Variants in DNAJC10 observed in about 807,000 individuals in gnomAD.
DNAJC10 encodes the protein DnaJ heat shock protein family (Hsp40) member C10.
DNAJC10 carries 101 observed loss-of-function variants against 115.0 expected under a neutral mutation model. The ratio of observed to expected loss-of-function variants is 0.88; its 90% CI spans 0.75 to 1.04. The LOEUF is 1.04. Among genes scored for constraint, DNAJC10 ranks in the 50% least tolerant of loss-of-function variants. The pLI, the probability that DNAJC10 is intolerant of heterozygous loss-of-function variation, is 0.00. For synonymous variants in DNAJC10, 307 were observed against 301.5 expected (o/e 1.02, Z -0.19); for missense variants, 981 against 928.8 (o/e 1.06, Z -0.73).
At chr2:182,756,286 G>A (rs201466374) in intron 17 of DNAJC10, 28 bp from the exon 18 acceptor site, 7 of 1,589,272 alleles carry the variant, frequency 4.4e-6, no homozygotes, top group African/African-American at 1.3e-5. Flanking sequence ...TTATATATAT[G>A]TTATAATGGA....
rs190233020 is a variant in DNAJC10 at position 182,744,133 on chromosome 2, T to C, written c.1306+421T>C. On this transcript the variant is annotated intron_variant, in intron 14 of 23. Coordinates refer to ENST00000264065, the MANE Select transcript of DNAJC10 (RefSeq NM_018981.4). ...ACTGCCTTGTTATCTTTCTTGCATT[T>C]ATAATTTTATTTCAGCTTATTTGGG... Among the ~76,000 whole-genome samples the C allele has an allele frequency of 1.1e-3, 172 of 152,372 alleles. 1 individual carries two copies. Among genetic ancestry groups the C allele is most frequent in the Middle Eastern group, 3.4e-3 (1 of 294 alleles).
chr2:182,743,318 C>CA, intron 13 of DNAJC10, among the ~76,000 whole-genome samples: 1 of 152,300 alleles, frequency 6.6e-6, no homozygotes, highest in South Asian at 2.1e-4. Context: ...ATTATATAAA[C>CA]ATTCTCTACA....
At position 182,719,992 on chromosome 2, in the gene DNAJC10, A is replaced by G; in HGVS notation, c.205-15A>G. 7.3e-7 allele frequency: 1 copy of G among 1,363,148 alleles called. No individual in the cohort carries two copies. Among genetic ancestry groups the G allele is most frequent in the Admixed American group, 2.0e-5 (1 of 48,952 alleles). The allele number at this position is 1,363,148 out of a possible 1,614,324, so 84.4% of individuals were successfully genotyped here. Reference sequence around the variant, plus strand: ...TATCTGAAATAATTGTATTATATCTAATATTTTTTAACAGAATAACCCAAA... The same window carrying G: ...TATCTGAAATAATTGTATTATATCTGATATTTTTTAACAGAATAACCCAAA... On this transcript the variant is annotated splice_polypyrimidine_tract_variant and intron_variant, in intron 3 of 23. Transcript: ENST00000264065.
At chr2:182,729,571 C>A (rs1347190236) in intron 7 of DNAJC10, among the ~76,000 whole-genome samples, 1 of 152,146 alleles carries the variant, frequency 6.6e-6, no homozygotes, top group Non-Finnish European at 1.5e-5. Context: ...AAGTATTTTA[C>A]AAGTGTTGTC....
intron 11 of DNAJC10, 141 bp downstream of exon 11, chr2:182,736,527 T>G: frequency 2.1e-6 from 1 of 484,130 alleles, no homozygotes; most frequent in Non-Finnish European, 3.3e-6. Context: ...GAACACATAC[T>G]TAATTTCTGA....
At chr2:182,755,574 C>T (rs1694137442) in intron 17 of DNAJC10, among the ~76,000 whole-genome samples, 1 of 152,078 alleles carries the variant, frequency 6.6e-6, no homozygotes, top group East Asian at 1.9e-4. Context: ...TGTTCCTCCT[C>T]CTCTGACGTA....
intron 10 of DNAJC10, among the ~76,000 whole-genome samples, chr2:182,735,312 A>T (rs534625496): frequency 6.6e-6 from 1 of 151,910 alleles, no homozygotes; most frequent in South Asian, 2.1e-4. Context: ...CTTTGCTGTT[A>T]TGTATTCTAA....
At chr2:182,748,785 G>C (rs892813352) in intron 14 of DNAJC10, among the ~76,000 whole-genome samples, 2 of 151,986 alleles carry the variant, frequency 1.3e-5, no homozygotes, top group Admixed American at 6.5e-5. Context: ...TTTCTCTTGT[G>C]GGCATTTAGT....
intron 4 of DNAJC10, among the ~76,000 whole-genome samples, chr2:182,720,426 T>G (rs1185628850): frequency 2.6e-5 from 4 of 152,206 alleles, no homozygotes; most frequent in Admixed American, 1.3e-4. Flanking sequence ...TATGCATTCA[T>G]GGACTGCATA....
In DNAJC10 at chr2:182,788,826, G is replaced by A. The variant is rs1210556794; in HGVS notation, c.*11694G>A. 5 of 456,136 alleles carry A rather than the reference G, an allele frequency of 1.1e-5. No individual in the cohort carries two copies. Among genetic ancestry groups the A allele is most frequent in the South Asian group, 7.8e-5 (5 of 64,234 alleles). The allele number at this position is 456,136 out of a possible 1,614,324, so 28.3% of individuals were successfully genotyped here. On this transcript the variant is annotated 3_prime_UTR_variant, in exon 24 of 24. Transcript: ENST00000264065. ...CTTTATGATCACTTAGTATGTCTAC[G>A]GATTTTTTGGGGAAGAGAGATTTCA...
intron 8 of DNAJC10, 122 bp from the exon 9 acceptor site, chr2:182,730,908 G>A: frequency 1.6e-6 from 1 of 606,088 alleles, no homozygotes; most frequent in East Asian, 2.9e-5. Flanking sequence ...AAGATAACTG[G>A]TAAAACTCAG....
chr2:182,746,347 C>T (rs1427011561), intron 14 of DNAJC10, among the ~76,000 whole-genome samples: 1 of 152,152 alleles, frequency 6.6e-6, no homozygotes, highest in Non-Finnish European at 1.5e-5. Flanking sequence ...TACAGTCCCA[C>T]CAACAGTGTA....
At chr2:182,748,474 G>A (rs1233125250) in intron 14 of DNAJC10, among the ~76,000 whole-genome samples, 4 of 152,130 alleles carry the variant, frequency 2.6e-5, no homozygotes, top group African/African-American at 4.8e-5. Context: ...TGTATGAGTC[G>A]AGGAACTTAT....
At chr2:182,739,873 C>A in intron 11 of DNAJC10, 1 of 985,698 alleles carries the variant, frequency 1.0e-6, no homozygotes. Context: ...TATTATTCTT[C>A]CTTCTAGTGT....
At position 182,788,688 on chromosome 2, in the gene DNAJC10, A is replaced by G. The variant is rs1694994025; in HGVS notation, c.*11556A>G. On this transcript the variant is annotated 3_prime_UTR_variant, in exon 24 of 24. Transcript: ENST00000264065. ...GAACAAAAGGAAGTGAGCTTATCCC[A>G]CAGCACAAGTAACGTCTATTTATCT... is the stretch of plus-strand genomic sequence containing the variant. The G allele has an allele frequency of 2.6e-6, 1 of 388,828 alleles. No homozygotes were observed. The highest frequency in any genetic ancestry group is 5.0e-6 in the Non-Finnish European group (1 of 198,978). The allele number at this position is 388,828 out of a possible 1,614,324, so 24.1% of individuals were successfully genotyped here. A position where few individuals can be genotyped will look rare whatever the true frequency, so the allele number is the denominator to read the frequency against.
In DNAJC10 at chr2:182,757,687, T is replaced by A; in HGVS notation, c.1810-5T>A. On this transcript the variant is annotated splice_region_variant and splice_polypyrimidine_tract_variant and intron_variant, in intron 18 of 23. Transcript: ENST00000264065. The stretch of plus-strand genomic sequence containing the variant: ...TATGGAGGTAATCTGTTTTTTCTTT[T>A]ACAGACATTAACTGGACTGATCAAC... 3 of 1,510,550 alleles carry A rather than the reference T, an allele frequency of 2.0e-6. No individual in the cohort carries two copies. The highest frequency in any genetic ancestry group is 2.7e-6 in the Non-Finnish European group (3 of 1,132,042). 93.6% of individuals were successfully genotyped at this position (1,510,550 alleles called of 1,614,324 possible). A position where few individuals can be genotyped will look rare whatever the true frequency, so the allele number is the denominator to read the frequency against.
intron 4 of DNAJC10, 42 bp downstream of exon 4, chr2:182,720,211 A>T: frequency 6.6e-7 from 1 of 1,511,472 alleles, no homozygotes; most frequent in Non-Finnish European, 9.0e-7. Flanking sequence ...GTTTTATCTG[A>T]GTAAAAGAAA....
chr2:182,739,643 G>A, intron 11 of DNAJC10: 2 of 1,125,334 alleles, frequency 1.8e-6, no homozygotes, highest in Non-Finnish European at 2.2e-6. Context: ...TTGTTAGAAG[G>A]GCCTTTTATA....
intron 13 of DNAJC10, among the ~76,000 whole-genome samples, chr2:182,741,656 A>G (rs1187828439): frequency 6.6e-6 from 1 of 152,112 alleles, no homozygotes; most frequent in Non-Finnish European, 1.5e-5. Flanking sequence ...TCTTTATATA[A>G]GTAATTCTTG....
Sources: gnomAD v4.1 joint callset for allele counts (sites outside exome capture counted in the v4.1 genomes callset) on GRCh38, gnomAD v4.1.1 for gene constraint, MANE v1.5 for transcripts, NCBI Gene and HGNC (gene_info 2026-07-23, HGNC 2026-07-21) for gene names.